Variants in GPR89B observed in about 807,000 individuals in gnomAD.
GPR89B encodes the protein G protein-coupled receptor 89B.
GPR89B carries 25 observed loss-of-function variants against 52.4 expected under a neutral mutation model. That is an observed-to-expected ratio of 0.48 (90% CI 0.35 to 0.67). The LOEUF is 0.67. Among genes scored for constraint, GPR89B ranks in the 30% least tolerant of loss-of-function variants. The probability of loss-of-function intolerance (pLI) is 0.01; values close to 1 mark genes in which losing one functional copy is unlikely to be tolerated. For missense variants in GPR89B, 146 were observed against 450.2 expected (o/e 0.32, Z 6.11); for synonymous variants, 52 against 151.2 (o/e 0.34, Z 4.81).
the GPR89B span, among the ~76,000 whole-genome samples, chr1:148,022,496 G>A: frequency 2.0e-5 from 3 of 150,274 alleles, no homozygotes; most frequent in African/African-American, 7.4e-5. Context: ...GTAGAGTTTT[G>A]GTCAACTTTA....
At chr1:147,979,975 A>G (rs1308407090) in intron 10 of GPR89B, among the ~76,000 whole-genome samples, 2 of 151,302 alleles carry the variant, frequency 1.3e-5, no homozygotes, top group East Asian at 1.9e-4. Context: ...GTTCCCAGCT[A>G]CTCAGGAGGC....
At chr1:148,023,098 C>T in the GPR89B span, among the ~76,000 whole-genome samples, 1 of 151,372 alleles carries the variant, frequency 6.6e-6, no homozygotes, top group African/African-American at 2.4e-5. Context: ...CCCTCCCTAC[C>T]TACCTCATGG....
At chr1:147,982,905 G>T (rs1395088147) in intron 10 of GPR89B, among the ~76,000 whole-genome samples, 1 of 152,006 alleles carries the variant, frequency 6.6e-6, no homozygotes. Context: ...TCTCTTTGAA[G>T]CAATTGTGAA....
At chr1:147,956,889 C>T (rs1411116531) in intron 7 of GPR89B, among the ~76,000 whole-genome samples, 10 of 151,788 alleles carry the variant, frequency 6.6e-5, no homozygotes, top group Non-Finnish European at 1.5e-4. Context: ...AGGTGCGCAC[C>T]ACCACACCCA....
intron 5 of GPR89B, among the ~76,000 whole-genome samples, chr1:147,946,489 TAA>T (rs1463970638): frequency 1.3e-5 from 2 of 152,220 alleles, no homozygotes; most frequent in Non-Finnish European, 2.9e-5. Context: ...CGACTTGCAC[TAA>T]AGAGTCCTGG....
At chr1:147,999,331 G>T in the GPR89B span, among the ~76,000 whole-genome samples, 1 of 151,470 alleles carries the variant, frequency 6.6e-6, no homozygotes, top group Non-Finnish European at 1.5e-5. Flanking sequence ...TGTGTGGCCC[G>T]GGCGTGTTGG....
chr1:147,968,537 T>C, intron 8 of GPR89B: 1 of 408,958 alleles, frequency 2.4e-6, no homozygotes, highest in Non-Finnish European at 4.6e-6. Flanking sequence ...ATTATAGTTA[T>C]TATTCTGTAA....
chr1:147,940,359 T>C lies in GPR89B; in HGVS notation c.206+1542T>C, dbSNP rs587757174. 7.3e-3 allele frequency among the ~76,000 whole-genome samples: 1,106 copies of C among 151,726 alleles called. 11 individuals carry two copies. Among genetic ancestry groups the C allele is most frequent in the African/African-American group, 0.024 (1,004 of 41,374 alleles). On this transcript the variant is annotated intron_variant, in intron 3 of 13. Coordinates refer to ENST00000314163, the MANE Select transcript of GPR89B (RefSeq NM_016334.5). ...CAGAGCTTGCAGTGAGCCGAGATTGTGCCACTGCACTCCAGCCTGGGCGAC... is the reference window on the plus strand; with the variant it reads ...CAGAGCTTGCAGTGAGCCGAGATTGCGCCACTGCACTCCAGCCTGGGCGAC...
At chr1:147,983,037 T>A (rs1658391009) in intron 10 of GPR89B, among the ~76,000 whole-genome samples, 1 of 152,198 alleles carries the variant, frequency 6.6e-6, no homozygotes, top group Non-Finnish European at 1.5e-5. Context: ...TCTACAACCG[T>A]CTGATCTTTG....
intron 1 of GPR89B, among the ~76,000 whole-genome samples, chr1:147,932,176 A>C (rs1653688798): frequency 6.6e-6 from 1 of 151,966 alleles, no homozygotes; most frequent in Non-Finnish European, 1.5e-5. Flanking sequence ...AAGTCATATA[A>C]ATATGGTCTC....
intron 10 of GPR89B, among the ~76,000 whole-genome samples, chr1:147,977,766 C>T (rs1351274231): frequency 2.2e-4 from 32 of 148,584 alleles, no homozygotes; most frequent in African/African-American, 7.3e-4. Flanking sequence ...CTTTCCTCTG[C>T]TTAGTCTCTT....
At chr1:148,014,509 C>T in the GPR89B span, 1 of 151,258 alleles carries the variant, frequency 6.6e-6, no homozygotes, top group Non-Finnish European at 1.5e-5. Context: ...TCAGCGGAGC[C>T]GAAGTGTGGT....
downstream of GPR89B, chr1:147,993,770 T>G (rs1659238836): frequency 6.7e-6 from 1 of 150,340 alleles, no homozygotes; most frequent in African/African-American, 2.5e-5. Flanking sequence ...CTGTACTTTA[T>G]TGTGTTTTGG....
chr1:147,992,555 A>G lies in GPR89B; in HGVS notation c.1149A>G (p.Leu383=), dbSNP rs1400268289. ...SKSSNVIVLL[L]AQIMGMYFVS... is the part of the protein sequence containing the mutation. The stretch of plus-strand genomic sequence containing the variant: ...CCTCCAATGTCATTGTCCTGCTATT[A>G]GCACAGATAATGGTAAGTTTAATTA... Residue 383 remains leucine, a synonymous_variant, in exon 13 of 14, where the codon TTA becomes TTG. Transcript: ENST00000314163. The G allele has an allele frequency of 0.063, 101,706 of 1,611,418 alleles. 4,230 individuals are homozygous for G. Among genetic ancestry groups the G allele is most frequent in the Admixed American group, 0.16 (9,539 of 59,994 alleles).
At chr1:147,949,088 G>T (rs1469942717) in intron 5 of GPR89B, among the ~76,000 whole-genome samples, 1 of 152,052 alleles carries the variant, frequency 6.6e-6, no homozygotes, top group African/African-American at 2.4e-5. Context: ...TAGGGTCACC[G>T]ATCAACAGGA....
the GPR89B span, among the ~76,000 whole-genome samples, chr1:148,006,751 C>G: frequency 1.3e-5 from 2 of 149,692 alleles, no homozygotes; most frequent in Non-Finnish European, 3.0e-5. Flanking sequence ...GAGTCTTGCT[C>G]TGTCACCTAG....
chr1:147,977,337 T>C (rs1231324950), intron 10 of GPR89B, among the ~76,000 whole-genome samples: 6 of 151,456 alleles, frequency 4.0e-5, no homozygotes, highest in Non-Finnish European at 4.4e-5. Flanking sequence ...GTTAGTCTGA[T>C]GGACTTCCCT....
intron 11 of GPR89B, among the ~76,000 whole-genome samples, chr1:147,987,976 A>C (rs1208901368): frequency 6.6e-6 from 1 of 152,136 alleles, no homozygotes; most frequent in Non-Finnish European, 1.5e-5. Flanking sequence ...GTTTCCTTTT[A>C]ATTCCTGCTT....
chr1:147,991,775 C>A (rs1350889265), intron 12 of GPR89B, among the ~76,000 whole-genome samples: 1 of 152,170 alleles, frequency 6.6e-6, no homozygotes, highest in African/African-American at 2.4e-5. Context: ...GTTGAACCAG[C>A]CTTGCATCCC....
Sources: allele counts gnomAD v4.1 joint callset (sites outside exome capture counted in the v4.1 genomes callset), GRCh38; gene constraint gnomAD v4.1.1; transcripts MANE v1.5; gene names NCBI Gene and HGNC (gene_info 2026-07-23, HGNC 2026-07-21).